The following ATP1B3 variants were observed in gnomAD, a reference collection of about 807,000 sequenced individuals.
The protein encoded by ATP1B3 is sodium/potassium-transporting ATPase subunit beta-3.
Under a neutral mutation model 30.2 loss-of-function variants are expected in ATP1B3, and 10 were observed. That is an observed-to-expected ratio of 0.33 (90% CI 0.20 to 0.56). The LOEUF (loss-of-function observed/expected upper bound fraction) is 0.56, where lower values mean the gene tolerates loss of function less well. ATP1B3 is among the 20% of genes least tolerant of loss of function. The pLI, the probability that ATP1B3 is intolerant of heterozygous loss-of-function variation, is 0.90. For missense variants in ATP1B3, 238 were observed against 336.7 expected, an observed-to-expected ratio of 0.71 and a Z score of 2.29; for synonymous variants, 113 against 117.0, an observed-to-expected ratio of 0.97 and a Z score of 0.22.
intron 1 of ATP1B3, among the ~76,000 whole-genome samples, chr3:141,878,052 C>A (rs1933642349): frequency 6.6e-6 from 1 of 152,076 alleles, no homozygotes; most frequent in Non-Finnish European, 1.5e-5. Context: ...TGGACTCCTT[C>A]AGGGTGAAAA....
At chr3:141,908,068 C>CTTTTTTTTTT (rs56374653) in intron 3 of ATP1B3, among the ~76,000 whole-genome samples, 521 of 108,820 alleles carry the variant, frequency 4.8e-3, no homozygotes, top group Middle Eastern at 6.8e-3. Flanking sequence ...GCCAGGCATT[C>CTTTTTTTTTT]TTTTTTTTTT....
intron 1 of ATP1B3, among the ~76,000 whole-genome samples, chr3:141,885,725 G>C (rs539614189): frequency 6.6e-6 from 1 of 152,288 alleles, no homozygotes; most frequent in African/African-American, 2.4e-5. Context: ...TGGGATTACA[G>C]ATGTGAGCCA....
chr3:141,885,620 G>T (rs1020171302), intron 1 of ATP1B3, among the ~76,000 whole-genome samples: 1 of 151,836 alleles, frequency 6.6e-6, no homozygotes, highest in Non-Finnish European at 1.5e-5. Context: ...GGCAATTTTT[G>T]TATTTTTAGT....
chr3:141,918,642 T>A (rs1385270663), intron 5 of ATP1B3: 1 of 152,200 alleles, frequency 6.6e-6, no homozygotes, highest in Non-Finnish European at 1.5e-5. Context: ...TTTTACCATG[T>A]TGGCCAGGAT....
At chr3:141,877,229 C>A (rs993281890) in intron 1 of ATP1B3, among the ~76,000 whole-genome samples, 1 of 151,890 alleles carries the variant, frequency 6.6e-6, no homozygotes, top group Non-Finnish European at 1.5e-5. Flanking sequence ...AGCCGGGGAC[C>A]CCTGCCCGAA....
At chr3:141,880,678 T>A (rs1429298636) in intron 1 of ATP1B3, among the ~76,000 whole-genome samples, 1 of 152,168 alleles carries the variant, frequency 6.6e-6, no homozygotes, top group African/African-American at 2.4e-5. Context: ...TTAAAAAAAG[T>A]GTTGTTTCAT....
chr3:141,920,271 G>A (rs796605653), intron 5 of ATP1B3, among the ~76,000 whole-genome samples: 5 of 152,152 alleles, frequency 3.3e-5, no homozygotes, highest in African/African-American at 1.2e-4. Context: ...TGTGGTATCT[G>A]GTAGGAAACC....
intron 6 of ATP1B3, among the ~76,000 whole-genome samples, chr3:141,924,873 A>C (rs562538992): frequency 7.2e-5 from 11 of 152,214 alleles, no homozygotes; most frequent in African/African-American, 2.7e-4. Context: ...GAATCACTTG[A>C]ACCCGGGAGT....
chr3:141,920,784 T>C (rs1934551604), intron 5 of ATP1B3, among the ~76,000 whole-genome samples: 1 of 152,120 alleles, frequency 6.6e-6, no homozygotes, highest in African/African-American at 2.4e-5. Flanking sequence ...GGAGTTTGAG[T>C]AGTGATTGAA....
chr3:141,892,423 G>A (rs1032837215), intron 1 of ATP1B3, among the ~76,000 whole-genome samples: 3 of 151,946 alleles, frequency 2.0e-5, no homozygotes, highest in Non-Finnish European at 2.9e-5. Context: ...TTTTTTAACT[G>A]ACTCTGATAA....
chr3:141,910,223 C>T (rs1934335652), intron 3 of ATP1B3, among the ~76,000 whole-genome samples: 1 of 152,118 alleles, frequency 6.6e-6, no homozygotes, highest in Non-Finnish European at 1.5e-5. Flanking sequence ...CCACCTGCCT[C>T]CGCCTCCCAA....
intron 2 of ATP1B3, among the ~76,000 whole-genome samples, chr3:141,906,183 CTT>C (rs764571280): frequency 6.3e-5 from 9 of 142,666 alleles, no homozygotes; most frequent in African/African-American, 7.6e-5. Flanking sequence ...AGATCTAATG[CTT>C]TTTTTTTTTT....
At chr3:141,892,793 G>C (rs7639052) in intron 1 of ATP1B3, among the ~76,000 whole-genome samples, 90,397 of 151,556 alleles carry the variant, frequency 0.6, 28,418 homozygotes, top group African/African-American at 0.81. Flanking sequence ...TACAAGGAAC[G>C]TTTTGGACAT....
At chr3:141,925,274 C>G (rs1290302366) in intron 6 of ATP1B3, among the ~76,000 whole-genome samples, 1 of 152,052 alleles carries the variant, frequency 6.6e-6, no homozygotes, top group African/African-American at 2.4e-5. Context: ...TGAGATTAGC[C>G]TGGGCAGGGA....
At chr3:141,904,607 GAA>G (rs376485506) in intron 2 of ATP1B3, among the ~76,000 whole-genome samples, 1 of 149,270 alleles carries the variant, frequency 6.7e-6, no homozygotes, top group South Asian at 2.1e-4. Context: ...TTTTCTTCTG[GAA>G]AAAAAATTCA....
chr3:141,924,071 CGG>C (rs1934612116), intron 6 of ATP1B3, among the ~76,000 whole-genome samples: 1 of 152,218 alleles, frequency 6.6e-6, no homozygotes, highest in Non-Finnish European at 1.5e-5. Flanking sequence ...CTGCCTGGCA[CGG>C]TGGCTCACGC....
chr3:141,916,575 G>GT, intron 5 of ATP1B3: 1 of 1,286,874 alleles, frequency 7.8e-7, no homozygotes, highest in Middle Eastern at 2.1e-4. Flanking sequence ...TAAAAGATGG[G>GT]TAAGAGTTCT....
At chr3:141,883,324 C>T (rs1482445075) in intron 1 of ATP1B3, among the ~76,000 whole-genome samples, 1 of 152,140 alleles carries the variant, frequency 6.6e-6, no homozygotes, top group Non-Finnish European at 1.5e-5. Flanking sequence ...CCTGTCACTA[C>T]TAAAAATACA....
At chr3:141,916,053 T>C in intron 5 of ATP1B3, 33 bp downstream of exon 5, 2 of 1,554,918 alleles carry the variant, frequency 1.3e-6, no homozygotes, top group Non-Finnish European at 1.8e-6. Context: ...CTGTTAAATC[T>C]TTGATGTTTC....
Sources: gnomAD v4.1 joint callset for allele counts (sites outside exome capture counted in the v4.1 genomes callset) on GRCh38, gnomAD v4.1.1 for gene constraint, MANE v1.5 for transcripts, NCBI Gene and HGNC (gene_info 2026-07-23, HGNC 2026-07-21) for gene names.